ADCY2: variants seen among roughly 807,000 people sequenced by gnomAD.
ADCY2 encodes adenylate cyclase type 2.
A neutral mutation model predicts 125.2 loss-of-function variants in ADCY2; 31 were observed. The ratio of observed to expected loss-of-function variants is 0.25; its 90% CI spans 0.19 to 0.33. The LOEUF (loss-of-function observed/expected upper bound fraction) is 0.33, where lower values mean the gene tolerates loss of function less well. ADCY2 is among the 10% of genes least tolerant of loss of function. The pLI is 1.00. For synonymous variants in ADCY2, 512 were observed against 548.4 expected, an observed-to-expected ratio of 0.93 and a Z score of 0.93; for missense variants, 904 against 1,418.2, an observed-to-expected ratio of 0.64 and a Z score of 5.82.
intron 2 of ADCY2, among the ~76,000 whole-genome samples, chr5:7,479,441 A>G (rs570979633): frequency 6.6e-6 from 1 of 152,166 alleles, no homozygotes; most frequent in Admixed American, 6.5e-5. Context: ...ATTATATTTT[A>G]TTTTAATTTT....
intron 2 of ADCY2, among the ~76,000 whole-genome samples, chr5:7,518,027 C>T (rs769998751): frequency 1.1e-4 from 17 of 152,106 alleles, no homozygotes; most frequent in Non-Finnish European, 1.9e-4. Flanking sequence ...GTATCTTAAT[C>T]GAACATACTT....
chr5:7,475,651 G>C (rs1032678602), intron 2 of ADCY2, among the ~76,000 whole-genome samples: 2 of 152,180 alleles, frequency 1.3e-5, no homozygotes, highest in African/African-American at 4.8e-5. Flanking sequence ...CAAAGTGTTA[G>C]GATTACAGGC....
chr5:7,763,934 G>C lies in ADCY2; in HGVS notation c.2095-2753G>C, dbSNP rs192756374. The stretch of plus-strand genomic sequence containing the variant: ...TGTCCCTGCTGTTGACTGGGTGGAT[G>C]GGCTGGTTCATCCCGAGGCTCCACG... On this transcript the variant is annotated intron_variant, in intron 16 of 24. Transcript: ENST00000338316. 5.9e-4 allele frequency among the ~76,000 whole-genome samples: 90 copies of C among 152,280 alleles called. 1 individual carries two copies. In the East Asian group the frequency reaches 0.017, roughly 29 times the overall value.
At chr5:7,662,268 C>T (rs1300260959) in intron 4 of ADCY2, among the ~76,000 whole-genome samples, 1 of 152,174 alleles carries the variant, frequency 6.6e-6, no homozygotes, top group Non-Finnish European at 1.5e-5. Flanking sequence ...CCCAAACAAG[C>T]AAATGTGCAA....
chr5:7,782,022 A>G (rs1045307450), intron 18 of ADCY2, among the ~76,000 whole-genome samples: 1 of 152,262 alleles, frequency 6.6e-6, no homozygotes, highest in Non-Finnish European at 1.5e-5. Flanking sequence ...AGTGAAATCC[A>G]GAAAAGCCAG....
At chr5:7,442,946 A>G (rs1307446193) in intron 2 of ADCY2, among the ~76,000 whole-genome samples, 4 of 152,150 alleles carry the variant, frequency 2.6e-5, no homozygotes, top group African/African-American at 4.8e-5. Context: ...ATGTGTTTCT[A>G]TCAGTTACAG....
chr5:7,680,836 A>G (rs1370581530), intron 4 of ADCY2, among the ~76,000 whole-genome samples: 1 of 152,206 alleles, frequency 6.6e-6, no homozygotes, highest in Non-Finnish European at 1.5e-5. Flanking sequence ...ATTTGATGTG[A>G]TTTCCTCCAA....
At chr5:7,639,913 G>A (rs1738635335) in intron 4 of ADCY2, among the ~76,000 whole-genome samples, 2 of 152,140 alleles carry the variant, frequency 1.3e-5, no homozygotes, top group African/African-American at 4.8e-5. Flanking sequence ...TGTTATAGAA[G>A]TGATTAGTCT....
At chr5:7,657,999 G>A (rs1384123972) in intron 4 of ADCY2, 1 of 152,256 alleles carries the variant, frequency 6.6e-6, no homozygotes, top group East Asian at 1.9e-4. Flanking sequence ...AGACCCCCAG[G>A]TGCAGTGACA....
At chr5:7,618,651 A>G (rs1390965845) in intron 3 of ADCY2, among the ~76,000 whole-genome samples, 2 of 152,246 alleles carry the variant, frequency 1.3e-5, no homozygotes. Flanking sequence ...TGGTGAATGA[A>G]GAGAATTAGA....
At chr5:7,738,906 C>G (rs1210105886) in intron 14 of ADCY2, among the ~76,000 whole-genome samples, 1 of 151,486 alleles carries the variant, frequency 6.6e-6, no homozygotes, top group Admixed American at 6.6e-5. Context: ...TACAGTAGAC[C>G]ATAAAAGCAT....
At chr5:7,718,208 G>A (rs1175425959) in intron 12 of ADCY2, among the ~76,000 whole-genome samples, 1 of 147,130 alleles carries the variant, frequency 6.8e-6, no homozygotes, top group East Asian at 2.0e-4. Flanking sequence ...GAGTGCAGTG[G>A]CACGATCTTG....
intron 22 of ADCY2, among the ~76,000 whole-genome samples, chr5:7,806,156 G>T (rs190105917): frequency 6.6e-6 from 1 of 152,102 alleles, no homozygotes; most frequent in Non-Finnish European, 1.5e-5. Context: ...TTGAAAAAAT[G>T]TAAAATCGAG....
intron 16 of ADCY2, among the ~76,000 whole-genome samples, chr5:7,765,536 C>G (rs891877893): frequency 6.6e-6 from 1 of 151,854 alleles, no homozygotes; most frequent in Non-Finnish European, 1.5e-5. Context: ...GCAGAAATAC[C>G]GTATCTCGTA....
chr5:7,494,297 C>G (rs899763796), intron 2 of ADCY2, among the ~76,000 whole-genome samples: 1 of 152,076 alleles, frequency 6.6e-6, no homozygotes, highest in Non-Finnish European at 1.5e-5. Context: ...GGTCAAATCC[C>G]ACTCCCTGCT....
intron 4 of ADCY2, among the ~76,000 whole-genome samples, chr5:7,687,368 T>C (rs899187144): frequency 6.6e-6 from 1 of 152,218 alleles, no homozygotes; most frequent in South Asian, 2.1e-4. Context: ...TAGCATAATC[T>C]TATTACAGAA....
intron 2 of ADCY2, among the ~76,000 whole-genome samples, chr5:7,463,990 T>A (rs192557559): frequency 5.3e-5 from 8 of 152,200 alleles, no homozygotes; most frequent in Non-Finnish European, 7.3e-5. Flanking sequence ...TGTATTTTAT[T>A]TGGTGTCCAG....
rs548256898 is a variant in ADCY2 at position 7,827,240 on chromosome 5, G to A, written c.*369G>A. 2.6e-5 allele frequency: 5 copies of A among 191,540 alleles called. No homozygotes were observed. The highest frequency in any genetic ancestry group is 2.4e-4 in the South Asian group (2 of 8,240). 11.9% of individuals were successfully genotyped at this position (191,540 alleles called of 1,614,324 possible). On this transcript the variant is annotated 3_prime_UTR_variant, in exon 25 of 25. Transcript: ENST00000338316. ...TGGAAAATATGGTAGCTCGCCAACC[G>A]CATCTGCTCATCTGATATTCAAACA...
chr5:7,398,701 G>A (rs1221478547), intron 1 of ADCY2, among the ~76,000 whole-genome samples: 1 of 152,204 alleles, frequency 6.6e-6, no homozygotes, highest in Non-Finnish European at 1.5e-5. Flanking sequence ...ATCAGGGAGG[G>A]TTACTCAGTC....
Sources: gnomAD v4.1 joint callset for allele counts (sites outside exome capture counted in the v4.1 genomes callset) on GRCh38, gnomAD v4.1.1 for gene constraint, MANE v1.5 for transcripts, NCBI Gene and HGNC (gene_info 2026-07-23, HGNC 2026-07-21) for gene names.